Variants in AP2B1 observed in about 807,000 individuals in gnomAD.
The protein encoded by AP2B1 is adaptor related protein complex 2 subunit beta 1, also known as AP-2 complex subunit beta.
Under a neutral mutation model 102.0 loss-of-function variants are expected in AP2B1, and 23 were observed. That is an observed-to-expected ratio of 0.23 (90% CI 0.16 to 0.32). AP2B1 has a LOEUF of 0.32. Among genes scored for constraint, AP2B1 ranks in the 10% least tolerant of loss-of-function variants. AP2B1 has a pLI of 1.00. For missense variants in AP2B1, 541 were observed against 1,157.4 expected, an observed-to-expected ratio of 0.47 and a Z score of 7.73; for synonymous variants, 381 against 421.2, an observed-to-expected ratio of 0.90 and a Z score of 1.17.
chr17:35,721,890 C>G (rs1048097209), intron 21 of AP2B1, among the ~76,000 whole-genome samples: 10 of 152,084 alleles, frequency 6.6e-5, no homozygotes, highest in Non-Finnish European at 1.5e-5. Context: ...CACATATTCT[C>G]CCACTAGAAT....
At chr17:35,617,561 A>C (rs1205940817) in intron 5 of AP2B1, among the ~76,000 whole-genome samples, 1 of 152,076 alleles carries the variant, frequency 6.6e-6, no homozygotes, top group Non-Finnish European at 1.5e-5. Flanking sequence ...AATGAAGCTA[A>C]ATCTAAGAGT....
intron 15 of AP2B1, among the ~76,000 whole-genome samples, chr17:35,671,329 C>A (rs1166878937): frequency 6.6e-6 from 1 of 152,032 alleles, no homozygotes; most frequent in Non-Finnish European, 1.5e-5. Flanking sequence ...GGTATTTATG[C>A]CTAAATGGGA....
At chr17:35,610,565 C>A (rs555245398) in intron 5 of AP2B1, among the ~76,000 whole-genome samples, 1 of 139,592 alleles carries the variant, frequency 7.2e-6, no homozygotes, top group Non-Finnish European at 1.5e-5. Context: ...GAGTTTGAGA[C>A]CAGCCTGGGC....
At chr17:35,658,110 T>C (rs1007519004) in intron 14 of AP2B1, among the ~76,000 whole-genome samples, 8 of 152,152 alleles carry the variant, frequency 5.3e-5, no homozygotes, top group South Asian at 2.1e-4. Flanking sequence ...TGTTCCTAGC[T>C]CTTAACTCTG....
At chr17:35,660,473 T>TTC (rs757152536) in intron 14 of AP2B1, among the ~76,000 whole-genome samples, 44 of 150,058 alleles carry the variant, frequency 2.9e-4, no homozygotes, top group Admixed American at 1.1e-3. Flanking sequence ...CTTTTTCTTT[T>TTC]TCTCTCTCTT....
chr17:35,661,950 C>T (rs149488808), intron 14 of AP2B1, among the ~76,000 whole-genome samples: 1 of 152,300 alleles, frequency 6.6e-6, no homozygotes, highest in African/African-American at 2.4e-5. Flanking sequence ...CCTAGTAGAA[C>T]TGTCACAGTC....
chr17:35,614,093 T>C (rs1417562468), intron 5 of AP2B1, among the ~76,000 whole-genome samples: 1 of 152,192 alleles, frequency 6.6e-6, no homozygotes. Flanking sequence ...TTAGGGGTAT[T>C]CAAACCTCAG....
intron 4 of AP2B1, 52 bp downstream of exon 4, chr17:35,605,892 C>T: frequency 6.3e-7 from 1 of 1,584,102 alleles, no homozygotes; most frequent in Non-Finnish European, 8.6e-7. Flanking sequence ...AATAAGTAAC[C>T]TCTGTTCACA....
At chr17:35,615,141 G>C (rs1391063965) in intron 5 of AP2B1, among the ~76,000 whole-genome samples, 1 of 152,178 alleles carries the variant, frequency 6.6e-6, no homozygotes, top group African/African-American at 2.4e-5. Flanking sequence ...TATGGAAATA[G>C]CACTGAGGCT....
intron 3 of AP2B1, among the ~76,000 whole-genome samples, chr17:35,599,040 T>G (rs556698588): frequency 6.6e-6 from 1 of 152,382 alleles, no homozygotes; most frequent in Admixed American, 6.5e-5. Flanking sequence ...ATTGTATTCC[T>G]TAACACCATG....
At chr17:35,668,983 C>A (rs890292846) in intron 14 of AP2B1, among the ~76,000 whole-genome samples, 3 of 152,142 alleles carry the variant, frequency 2.0e-5, no homozygotes, top group Admixed American at 6.6e-5. Context: ...TGCCTTGCAT[C>A]CAGTAAATGT....
chr17:35,715,346 T>C (rs2076531848), intron 20 of AP2B1, among the ~76,000 whole-genome samples: 1 of 152,200 alleles, frequency 6.6e-6, no homozygotes, highest in East Asian at 1.9e-4. Flanking sequence ...ATCTCTTACA[T>C]AGGTGGTGAA....
chr17:35,671,996 A>G, intron 16 of AP2B1, 96 bp downstream of exon 16: 2 of 1,427,794 alleles, frequency 1.4e-6, no homozygotes, highest in Non-Finnish European at 1.9e-6. Flanking sequence ...GTAATAAATC[A>G]AAGGTTTGGG....
intron 2 of AP2B1, chr17:35,596,861 A>C (rs1034243699): frequency 1.5e-6 from 1 of 687,298 alleles, no homozygotes; most frequent in African/African-American, 1.8e-5. Context: ...GCCGCCCAGC[A>C]GGAAGAAGCC....
At chr17:35,679,092 T>C (rs3859282) in intron 17 of AP2B1, among the ~76,000 whole-genome samples, 131,645 of 152,256 alleles carry the variant, frequency 0.86, 57,254 homozygotes, top group East Asian at 0.97. Flanking sequence ...TTATGATACT[T>C]ATATTTGAAT....
chr17:35,686,625 G>A (rs587644974), intron 18 of AP2B1, among the ~76,000 whole-genome samples: 1 of 152,230 alleles, frequency 6.6e-6, no homozygotes, highest in East Asian at 1.9e-4. Context: ...CAAGTTTTCA[G>A]GATGATAAAA....
intron 14 of AP2B1, among the ~76,000 whole-genome samples, chr17:35,670,573 C>T (rs1471099176): frequency 6.6e-6 from 1 of 152,166 alleles, no homozygotes; most frequent in Non-Finnish European, 1.5e-5. Context: ...GGGTTTGTGC[C>T]TGTGTACCCC....
intron 3 of AP2B1, among the ~76,000 whole-genome samples, chr17:35,604,778 T>C (rs1002763775): frequency 6.6e-6 from 1 of 151,990 alleles, no homozygotes; most frequent in African/African-American, 2.4e-5. Flanking sequence ...AAAAGGATTC[T>C]TAAGATACAC....
chr17:35,697,391 A>C (rs1320234820), intron 18 of AP2B1, among the ~76,000 whole-genome samples: 2 of 152,210 alleles, frequency 1.3e-5, no homozygotes, highest in African/African-American at 2.4e-5. Context: ...AATAAAACCA[A>C]ATTGCCACCA....
Sources: allele counts gnomAD v4.1 joint callset (sites outside exome capture counted in the v4.1 genomes callset), GRCh38; gene constraint gnomAD v4.1.1; transcripts MANE v1.5; gene names NCBI Gene and HGNC (gene_info 2026-07-23, HGNC 2026-07-21).